MED22: variants seen among roughly 807,000 people sequenced by gnomAD.
MED22 encodes the protein mediator complex subunit 22, also known as mediator of RNA polymerase II transcription subunit 22.
MED22 carries 22 observed loss-of-function variants against 22.7 expected under a neutral mutation model. That is an observed-to-expected ratio of 0.97 (90% CI 0.69 to 1.38). The LOEUF (loss-of-function observed/expected upper bound fraction) is 1.38. Ranked by LOEUF, MED22 falls within the 40% of genes most tolerant of loss-of-function variation. MED22 has a pLI of 0.00. For missense variants in MED22, 247 were observed against 263.0 expected, an observed-to-expected ratio of 0.94 and a Z score of 0.42; for synonymous variants, 134 against 119.4, an observed-to-expected ratio of 1.12 and a Z score of -0.80.
rs2129964343 is a variant in MED22, at chr9:133,345,218, T to C, written c.158A>G (p.Gln53Arg). The C allele has an allele frequency of 2.5e-6, 4 of 1,613,868 alleles. No homozygotes were observed. The East Asian group carries it at 8.9e-5, about 36-fold the overall frequency. The change falls in exon 3 of 5, where the codon CAG becomes CGG. Residue 53 changes from glutamine (Q) to arginine (R), a missense_variant. By Grantham distance (43) the Gln-to-Arg change is conservative. Coordinates refer to ENST00000343730, the MANE Select transcript of MED22 (RefSeq NM_133640.5). Reference protein sequence around the residue: ...EDETQVSRATQGEQDNYEMHV... With the variant: ...EDETQVSRATRGEQDNYEMHV... ...CATCTCGTAATTGTCCTGTTCACCC[T>C]GAGTGGCCCGTGACACCTGCGTCTC...
intron 2 of MED22, 106 bp from the exon 3 acceptor site, chr9:133,345,358 C>T (rs1334489596): frequency 9.2e-7 from 1 of 1,081,330 alleles, no homozygotes; most frequent in African/African-American, 1.6e-5. Context: ...AGGATGTCCA[C>T]ACTGGCCACA....
At position 133,341,403 on chromosome 9, in the gene MED22, A is replaced by G. The variant is rs947919874; in HGVS notation, c.*102T>C. 1 of 1,296,378 alleles carries G rather than the reference A, an allele frequency of 7.7e-7. No individual in the cohort carries two copies. The highest frequency in any genetic ancestry group is 4.0e-5 in the Admixed American group (1 of 25,064). The allele number at this position is 1,296,378 out of a possible 1,614,324, so 80.3% of individuals were successfully genotyped here. A position where few individuals can be genotyped will look rare whatever the true frequency, so the allele number is the denominator to read the frequency against. ...AGTCCTAGTGGCTCTGGGGTCCTGA[A>G]GTCCCCAAATGGGAACCTAGGCTGA... On this transcript the variant is annotated 3_prime_UTR_variant, in exon 5 of 5. Coordinates refer to ENST00000343730, the MANE Select transcript of MED22 (RefSeq NM_133640.5).
In MED22 at chr9:133,341,277, T is replaced by C; in HGVS notation, c.*228A>G. 1 of 445,012 alleles carries C rather than the reference T, an allele frequency of 2.2e-6. No individual in the cohort carries two copies. 27.6% of individuals were successfully genotyped at this position (445,012 alleles called of 1,614,324 possible). ...TGGCCAGGAAGGCAGCAAACAGAGA[T>C]GATGACTCGGAATGATGGGCTATTC... On this transcript the variant is annotated 3_prime_UTR_variant, in exon 5 of 5. Coordinates refer to ENST00000343730, the MANE Select transcript of MED22 (RefSeq NM_133640.5).
intron 4 of MED22, chr9:133,342,377 GC>G: frequency 1.0e-6 from 1 of 986,010 alleles, no homozygotes. Context: ...TGGCTTTCCC[GC>G]GGCCTGCCTC....
chr9:133,341,292 A>G lies in MED22; in HGVS notation c.*213T>C. 2.1e-6 allele frequency: 1 copy of G among 468,290 alleles called. No individual in the cohort carries two copies. The highest frequency in any genetic ancestry group is 3.6e-6 in the Non-Finnish European group (1 of 274,058). 29.0% of individuals were successfully genotyped at this position (468,290 alleles called of 1,614,324 possible). On this transcript the variant is annotated 3_prime_UTR_variant, in exon 5 of 5. Coordinates refer to ENST00000343730, the MANE Select transcript of MED22 (RefSeq NM_133640.5). ...CAAACAGAGATGATGACTCGGAATG[A>G]TGGGCTATTCGGAAATGGCTAGGGA...
chr9:133,343,875 C>A lies in MED22; in HGVS notation c.413+250G>T. ...AGGCGCCTCCCTTCTCCAGACTCGG[C>A]CTATCCGACTGGCGTGAGTCCTGTG... On this transcript the variant is annotated intron_variant, in intron 4 of 4. Transcript: ENST00000343730. The A allele has an allele frequency of 2.1e-6, 3 of 1,419,390 alleles. No homozygotes were observed. The South Asian group carries it at 4.8e-5, about 23-fold the overall frequency. The allele number at this position is 1,419,390 out of a possible 1,614,324, so 87.9% of individuals were successfully genotyped here. A position where few individuals can be genotyped will look rare whatever the true frequency, so the allele number is the denominator to read the frequency against.
Position 133,341,517 on chromosome 9 carries a change from A to T in MED22, c.591T>A (p.Thr197=). 1.3e-6 allele frequency: 2 copies of T among 1,518,174 alleles called. No individual in the cohort carries two copies. Among genetic ancestry groups the T allele is most frequent in the Non-Finnish European group, 1.7e-6 (2 of 1,143,672 alleles). 94.0% of individuals were successfully genotyped at this position (1,518,174 alleles called of 1,614,324 possible). A position where few individuals can be genotyped will look rare whatever the true frequency, so the allele number is the denominator to read the frequency against. Residue 197 remains threonine, a synonymous_variant, in exon 5 of 5, where the codon ACT becomes ACA. Transcript: ENST00000343730. The stretch of plus-strand genomic sequence containing the variant: ...TGGCCCCGGAGGCTCAGGCGTGCTC[A>T]GTGGGGCCAGGGCCACCAGCATGGG... ...AHSHAGGPGP[T]EHA
chr9:133,345,287 A>G, intron 2 of MED22, 35 bp from the exon 3 acceptor site: 2 of 1,606,948 alleles, frequency 1.2e-6, no homozygotes, highest in South Asian at 2.2e-5. Context: ...AAATCAACCC[A>G]GCCAAGGCAT....
In MED22 at chr9:133,340,282, G is replaced by C. The variant is rs1399189230; in HGVS notation, c.*1223C>G. The stretch of plus-strand genomic sequence containing the variant: ...TCTGTCTGGTGCCTTCTGCTTGGCT[G>C]TGGGGTTCTCTGGTTCAGGTGGTGA... On this transcript the variant is annotated 3_prime_UTR_variant, in exon 5 of 5. Coordinates refer to ENST00000343730, the MANE Select transcript of MED22 (RefSeq NM_133640.5). 2 of 152,208 alleles carry C rather than the reference G, an allele frequency of 1.3e-5. No homozygotes were observed. Among genetic ancestry groups the C allele is most frequent in the Non-Finnish European group, 2.9e-5 (2 of 68,156 alleles). The allele number at this position is 152,208 out of a possible 1,614,324, so 9.4% of individuals were successfully genotyped here. A position where few individuals can be genotyped will look rare whatever the true frequency, so the allele number is the denominator to read the frequency against.
Position 133,346,624 on chromosome 9 carries a change from C to G in MED22, c.39G>C (p.Thr13=). The G allele has an allele frequency of 6.2e-7, 1 of 1,612,700 alleles. No individual in the cohort carries two copies. The highest frequency in any genetic ancestry group is 1.1e-5 in the South Asian group (1 of 91,076). Residue 13 remains threonine (T), a synonymous_variant, in exon 2 of 5, where the codon ACG becomes ACC. Coordinates refer to ENST00000343730, the MANE Select transcript of MED22 (RefSeq NM_133640.5). ...GCCGCTTGTTGTAGGACTGCAGCAG[C>G]GTCTCCTTGCTCTGGGGCAGGGCTC... is the stretch of plus-strand genomic sequence containing the variant. ...QQRALPQSKE[T]LLQSYNKRLK... is the part of the protein sequence containing the mutation.
rs1343259074 is a variant in MED22, at chr9:133,340,608, C to T, written c.*897G>A. ...CCACTTCACTTCCTAGCTCTGTGGCCGTGGTACACCTCACCCCTTCTAAGT... is the reference window on the plus strand; with the variant it reads ...CCACTTCACTTCCTAGCTCTGTGGCTGTGGTACACCTCACCCCTTCTAAGT... On this transcript the variant is annotated 3_prime_UTR_variant, in exon 5 of 5. Coordinates refer to ENST00000343730, the MANE Select transcript of MED22 (RefSeq NM_133640.5). 4 of 152,260 alleles carry T rather than the reference C, an allele frequency of 2.6e-5. No individual in the cohort carries two copies. The highest frequency in any genetic ancestry group is 2.1e-4 in the South Asian group (1 of 4,828). 9.4% of individuals were successfully genotyped at this position (152,260 alleles called of 1,614,324 possible).
chr9:133,343,417 C>T, intron 4 of MED22: 1 of 1,225,542 alleles, frequency 8.2e-7, no homozygotes, highest in Non-Finnish European at 1.0e-6. Flanking sequence ...CAGGGCCCCT[C>T]CAGCTCAAAC....
rs2129941822 is a variant in MED22 at position 133,338,938 on chromosome 9, C to T, written c.*2567G>A. ...AACCAAATGCAACACACAATAAAAA[C>T]AGGCATAAAAGCCTTTCAGCTGGAA... On this transcript the variant is annotated 3_prime_UTR_variant, in exon 5 of 5. Coordinates refer to ENST00000343730, the MANE Select transcript of MED22 (RefSeq NM_133640.5). The T allele has an allele frequency of 0.51, 306,721 of 605,096 alleles. 79,416 individuals are homozygous for T. Among genetic ancestry groups the T allele is most frequent in the African/African-American group, 0.58 (31,491 of 54,212 alleles). The allele number at this position is 605,096 out of a possible 1,614,324, so 37.5% of individuals were successfully genotyped here. A position where few individuals can be genotyped will look rare whatever the true frequency, so the allele number is the denominator to read the frequency against.
intron 4 of MED22, chr9:133,343,595 A>T (rs1300320014): frequency 8.0e-7 from 1 of 1,243,700 alleles, no homozygotes; most frequent in African/African-American, 1.5e-5. Flanking sequence ...TTTCAAGGCC[A>T]TTCCCTGCCT....
At chr9:133,342,176 T>C in intron 4 of MED22, 1 of 991,602 alleles carries the variant, frequency 1.0e-6, no homozygotes, top group Non-Finnish European at 1.2e-6. Context: ...GGGGCGACAG[T>C]TGGGAACACA....
intron 4 of MED22, chr9:133,342,212 A>G (rs904818268): frequency 2.0e-6 from 2 of 987,218 alleles, no homozygotes; most frequent in Middle Eastern, 5.2e-4. Flanking sequence ...CGATAGCCCT[A>G]CATCAGCCAG....
In MED22 at chr9:133,342,633, G is replaced by A. The variant is rs2129954172; in HGVS notation, c.414-939C>T. ...GAGGAAACTCGGCCAGGACCTGGTC[G>A]CTTAAAGGCAATGTACAGAGGAGGG... On this transcript the variant is annotated intron_variant, in intron 4 of 4. Coordinates refer to ENST00000343730, the MANE Select transcript of MED22 (RefSeq NM_133640.5). 2.5e-4 allele frequency: 244 copies of A among 986,124 alleles called. No homozygotes were observed. In the African/African-American group the frequency reaches 2.9e-3, roughly 12 times the overall value. The allele number at this position is 986,124 out of a possible 1,614,324, so 61.1% of individuals were successfully genotyped here.
At position 133,338,620 on chromosome 9, in the gene MED22, T is replaced by C. The variant is rs1835942025; in HGVS notation, c.*2885A>G. ...CGCGCCCGGCCAATTTCTATACTTT[T>C]TAGTAGAGACAGGGTTTCTCCATGT... On this transcript the variant is annotated 3_prime_UTR_variant, in exon 5 of 5. Transcript: ENST00000343730. 1 of 214,308 alleles carries C rather than the reference T, an allele frequency of 4.7e-6. No individual in the cohort carries two copies. Among genetic ancestry groups the C allele is most frequent in the South Asian group, 6.8e-5 (1 of 14,680 alleles). 13.3% of individuals were successfully genotyped at this position (214,308 alleles called of 1,614,324 possible). A position where few individuals can be genotyped will look rare whatever the true frequency, so the allele number is the denominator to read the frequency against.
intron 4 of MED22, chr9:133,343,485 C>T: frequency 8.1e-7 from 1 of 1,234,440 alleles, no homozygotes; most frequent in Non-Finnish European, 1.0e-6. Context: ...TGGGTTTTGA[C>T]CCTTCTGCAT....
Sources: gnomAD v4.1 joint callset for allele counts on GRCh38, gnomAD v4.1.1 for gene constraint, MANE v1.5 for transcripts, NCBI Gene and HGNC (gene_info 2026-07-23, HGNC 2026-07-21) for gene names.